Variants in ZNF624 observed in about 807,000 individuals in gnomAD.
ZNF624 encodes zinc finger protein 624.
Under a neutral mutation model 74.7 loss-of-function variants are expected in ZNF624, and 43 were observed. The observed-to-expected ratio is 0.58, with a 90% confidence interval of 0.45 to 0.74. ZNF624 has a LOEUF of 0.74. ZNF624 is among the 30% of genes least tolerant of loss of function. The probability of loss-of-function intolerance (pLI) is 0.00; values close to 1 mark genes in which losing one functional copy is unlikely to be tolerated. For missense variants in ZNF624, 820 were observed against 1,030.0 expected (o/e 0.80, Z 2.79); for synonymous variants, 331 against 341.3 (o/e 0.97, Z 0.33).
Position 16,623,947 on chromosome 17 carries a change from G to C in ZNF624, c.939C>G (p.Phe313Leu). 6.2e-7 allele frequency: 1 copy of C among 1,613,918 alleles called. No homozygotes were observed. The highest frequency in any genetic ancestry group is 2.2e-5 in the East Asian group (1 of 44,868). ...PYECNECGKT[F>L]SQPSYLSQHK... Reference sequence around the variant, plus strand: ...GCTGACTGAGATATGAAGGCTGGCTGAATGTTTTCCCACATTCATTACATT... The same window carrying C: ...GCTGACTGAGATATGAAGGCTGGCTCAATGTTTTCCCACATTCATTACATT... Residue 313 changes from phenylalanine (F) to leucine (L), a missense_variant, in exon 6 of 6, where the codon TTC (phenylalanine) becomes TTG (leucine). Coordinates refer to ENST00000311331, the MANE Select transcript of ZNF624 (RefSeq NM_020787.4). This position sits in a 1 kb window ranked among gnomAD's most constrained non-coding sequence, Gnocchi z 5.3.
chr17:16,641,265 C>A (rs946951241), intron 3 of ZNF624, among the ~76,000 whole-genome samples: 1 of 151,928 alleles, frequency 6.6e-6, no homozygotes, highest in African/African-American at 2.4e-5. Context: ...TCTCACTTTT[C>A]TTTTTCTTTC....
At position 16,621,593 on chromosome 17, in the gene ZNF624, T is replaced by C. The variant is rs1039789156; in HGVS notation, c.*695A>G. 6.6e-6 allele frequency: 1 copy of C among 152,240 alleles called. No individual in the cohort carries two copies. Among genetic ancestry groups the C allele is most frequent in the African/African-American group, 2.4e-5 (1 of 41,476 alleles). 9.4% of individuals were successfully genotyped at this position (152,240 alleles called of 1,614,324 possible). A position where few individuals can be genotyped will look rare whatever the true frequency, so the allele number is the denominator to read the frequency against. ...CCAGATCCATGAAGGGGAAGTTTCA[T>C]CTCACTGAGCATTTCAATTTGCATT... On this transcript the variant is annotated 3_prime_UTR_variant, in exon 6 of 6. Coordinates refer to ENST00000311331, the MANE Select transcript of ZNF624 (RefSeq NM_020787.4).
intron 1 of ZNF624, among the ~76,000 whole-genome samples, chr17:16,652,777 T>C (rs1030625441): frequency 6.6e-6 from 1 of 152,204 alleles, no homozygotes; most frequent in East Asian, 1.9e-4. Flanking sequence ...CATAGGAGTG[T>C]GGAATAGGAA....
intron 2 of ZNF624, among the ~76,000 whole-genome samples, chr17:16,649,108 A>G (rs1011258477): frequency 2.6e-5 from 4 of 152,182 alleles, no homozygotes; most frequent in African/African-American, 9.6e-5. Flanking sequence ...TGTAATTATT[A>G]CTTTTGTACA....
At chr17:16,615,973 ATATATATATATATATATATATATATG>A (rs1472223137), downstream of ZNF624, among the ~76,000 whole-genome samples, 4 of 78,924 alleles carry the variant, frequency 5.1e-5, no homozygotes, top group East Asian at 1.0e-3. Flanking sequence ...ATATATATAT[ATATATATATATATATATATATATATG>A]AATGAGATAT....
At chr17:16,628,093 C>T (rs1432065077) in intron 5 of ZNF624, among the ~76,000 whole-genome samples, 16 of 152,172 alleles carry the variant, frequency 1.1e-4, no homozygotes, top group Middle Eastern at 3.4e-3. Flanking sequence ...AACCCCATCT[C>T]TACTAAAAAA....
In ZNF624 at chr17:16,647,341, T is replaced by C; in HGVS notation, c.141A>G (p.Thr47=). Residue 47 remains threonine (T), a synonymous_variant, in exon 3 of 6, where the codon ACA becomes ACG. Coordinates refer to ENST00000311331, the MANE Select transcript of ZNF624 (RefSeq NM_020787.4). ...DEDLHLQAEE[T]QLVKESVTFK... Reference sequence around the variant, plus strand: ...CAGTAGGTATTACCTTTACCAATTGTGTTTCTTCTGCCTGAAGGTGAAGAT... The same window carrying C: ...CAGTAGGTATTACCTTTACCAATTGCGTTTCTTCTGCCTGAAGGTGAAGAT... 1 of 1,614,064 alleles carries C rather than the reference T, an allele frequency of 6.2e-7. No homozygotes were observed. The highest frequency in any genetic ancestry group is 1.1e-5 in the South Asian group (1 of 91,086).
intron 5 of ZNF624, chr17:16,624,882 A>C (rs906936079): frequency 6.6e-5 from 12 of 182,242 alleles, no homozygotes; most frequent in Admixed American, 1.2e-4. Flanking sequence ...AAAAAAAAAA[A>C]AAAAATTAGC....
downstream of ZNF624, chr17:16,617,871 A>G: frequency 6.2e-7 from 1 of 1,603,900 alleles, no homozygotes. Flanking sequence ...TCCTATGTAG[A>G]CGCGCGGCAT....
rs536095358 is a variant in ZNF624, at chr17:16,630,553, G to C, written c.376+3309C>G. On this transcript the variant is annotated intron_variant, in intron 5 of 5. Coordinates refer to ENST00000311331, the MANE Select transcript of ZNF624 (RefSeq NM_020787.4). Reference sequence around the variant, plus strand: ...GCCTGGGCGACGAGAGTGAAACTCAGTCTCAAAAAAATAAAAAATTAACAA... The same window carrying C: ...GCCTGGGCGACGAGAGTGAAACTCACTCTCAAAAAAATAAAAAATTAACAA... 3.3e-5 allele frequency among the ~76,000 whole-genome samples: 5 copies of C among 152,160 alleles called. No homozygotes were observed. The East Asian group carries it at 9.6e-4, about 29-fold the overall frequency.
At chr17:16,615,450 T>C in the ZNF624 span, among the ~76,000 whole-genome samples, 10 of 152,296 alleles carry the variant, frequency 6.6e-5, no homozygotes, top group African/African-American at 2.2e-4. Flanking sequence ...AGTTGCACAA[T>C]ATGACTTAAT....
downstream of ZNF624, among the ~76,000 whole-genome samples, chr17:16,616,202 G>A (rs1409782933): frequency 6.6e-6 from 1 of 150,538 alleles, no homozygotes; most frequent in African/African-American, 2.4e-5. Flanking sequence ...AAAGACTTTG[G>A]CAAATTTGAT....
Position 16,649,591 on chromosome 17 carries a change from C to T in ZNF624, c.87+67G>A, listed in dbSNP as rs888346417. On this transcript the variant is annotated intron_variant, in intron 2 of 5. Transcript: ENST00000311331. ...TCGGGGGAAGTAGAGAAGTCGCAAG[C>T]CTTCAGGCAAAGTAAACATGCTCTC... 9 of 1,435,150 alleles carry T rather than the reference C, an allele frequency of 6.3e-6. No individual in the cohort carries two copies. The Middle Eastern group carries it at 9.8e-4, about 156-fold the overall frequency. 88.9% of individuals were successfully genotyped at this position (1,435,150 alleles called of 1,614,324 possible).
chr17:16,628,663 A>G (rs1488050273), intron 5 of ZNF624, among the ~76,000 whole-genome samples: 1 of 152,086 alleles, frequency 6.6e-6, no homozygotes, highest in African/African-American at 2.4e-5. Context: ...GGATAGGGTG[A>G]AAAGGTCTAT....
In ZNF624 at chr17:16,622,820, C is replaced by A; in HGVS notation, c.2066G>T (p.Arg689Met). The A allele has an allele frequency of 6.2e-7, 1 of 1,613,600 alleles. No homozygotes were observed. Among genetic ancestry groups the A allele is most frequent in the Non-Finnish European group, 8.5e-7 (1 of 1,179,892 alleles). Residue 689 changes from arginine (R) to methionine (M), a missense_variant, in exon 6 of 6, where the codon AGG (arginine) becomes ATG (methionine). Arg to Met is a moderately conservative substitution (Grantham distance 91). Transcript: ENST00000311331. ...NTSQLTVHQR[R>M]HTGEKPYKCN... ...TTTATAGGGCTTCTCTCCAGTATGCCTTCGTTGGTGCACGGTAAGCTGTGA... is the reference window on the plus strand; with the variant it reads ...TTTATAGGGCTTCTCTCCAGTATGCATTCGTTGGTGCACGGTAAGCTGTGA...
intron 1 of ZNF624, 141 bp from the exon 2 acceptor site, chr17:16,649,887 AC>A (rs1486950030): frequency 6.2e-6 from 4 of 648,450 alleles, no homozygotes; most frequent in Non-Finnish European, 1.1e-5. Context: ...AGGGACAAAG[AC>A]CCTTGCTCCG....
intron 3 of ZNF624, among the ~76,000 whole-genome samples, chr17:16,636,182 T>C (rs1341600857): frequency 6.6e-6 from 1 of 152,214 alleles, no homozygotes; most frequent in Non-Finnish European, 1.5e-5. Context: ...TACAGTTACA[T>C]TCATGATACA....
At position 16,637,715 on chromosome 17, in the gene ZNF624, T is replaced by C. The variant is rs1462235894; in HGVS notation, c.154-2959A>G. Among the ~76,000 whole-genome samples, 17 of 152,298 alleles carry C rather than the reference T, an allele frequency of 1.1e-4. 1 individual carries two copies. In the Middle Eastern group the frequency reaches 0.014, roughly 122 times the overall value. On this transcript the variant is annotated intron_variant, in intron 3 of 5. Coordinates refer to ENST00000311331, the MANE Select transcript of ZNF624 (RefSeq NM_020787.4). Reference sequence around the variant, plus strand: ...TCCTTACACCTTATACAAAAATTAATTCAAGATGGATTAAAGACTTACATG... The same window carrying C: ...TCCTTACACCTTATACAAAAATTAACTCAAGATGGATTAAAGACTTACATG...
chr17:16,620,104 A>G (rs118004616), downstream of ZNF624, among the ~76,000 whole-genome samples: 7 of 152,190 alleles, frequency 4.6e-5, no homozygotes, highest in Admixed American at 6.5e-5. Context: ...TGTTAAATAC[A>G]TATTTACCCT....
Sources: gnomAD v4.1 joint callset for allele counts (sites outside exome capture counted in the v4.1 genomes callset) on GRCh38, gnomAD v4.1.1 for gene constraint, Gnocchi (gnomAD v3.1) non-coding constraint, MANE v1.5 for transcripts, NCBI Gene and HGNC (gene_info 2026-07-23, HGNC 2026-07-21) for gene names.